AKT3: variants seen among roughly 807,000 people sequenced by gnomAD.
The protein encoded by AKT3 is RAC-gamma serine/threonine-protein kinase.
In AKT3, 15 loss-of-function variants were observed where a neutral mutation model predicts 65.3. That is an observed-to-expected ratio of 0.23 (90% CI 0.15 to 0.35). AKT3 has a LOEUF of 0.35. AKT3 is among the 10% of genes least tolerant of loss of function. The pLI is 1.00. For synonymous variants in AKT3, 206 were observed against 183.8 expected, an observed-to-expected ratio of 1.12 and a Z score of -0.98; for missense variants, 243 against 576.5, an observed-to-expected ratio of 0.42 and a Z score of 5.92.
intron 2 of AKT3, among the ~76,000 whole-genome samples, chr1:243,783,381 GCATC>G (rs1445624746): frequency 6.6e-6 from 1 of 152,238 alleles, no homozygotes; most frequent in East Asian, 1.9e-4. Context: ...GTTAGTGATG[GCATC>G]CATGTGCCAG....
At chr1:243,523,000 G>A (rs1018335811) in intron 12 of AKT3, among the ~76,000 whole-genome samples, 1 of 152,076 alleles carries the variant, frequency 6.6e-6, no homozygotes, top group African/African-American at 2.4e-5. Context: ...TTGGGTTGGG[G>A]GATGAACTTG....
chr1:243,577,534 C>A (rs552869785), intron 8 of AKT3, among the ~76,000 whole-genome samples: 1 of 152,074 alleles, frequency 6.6e-6, no homozygotes, highest in Non-Finnish European at 1.5e-5. Flanking sequence ...ATACCTTATA[C>A]AAAAATTAAC....
chr1:243,742,822 G>C (rs1281015381), intron 2 of AKT3, among the ~76,000 whole-genome samples: 1 of 149,650 alleles, frequency 6.7e-6, no homozygotes, highest in East Asian at 1.9e-4. Flanking sequence ...AAAATTATGG[G>C]CATAAAAATA....
chr1:243,834,640 T>C (rs973594615), intron 2 of AKT3, among the ~76,000 whole-genome samples: 4 of 151,940 alleles, frequency 2.6e-5, no homozygotes, highest in Non-Finnish European at 4.4e-5. Flanking sequence ...ACTATGCTTA[T>C]TACCCGGATG....
intron 13 of AKT3, among the ~76,000 whole-genome samples, chr1:243,507,079 T>C (rs1669715823): frequency 6.6e-6 from 1 of 152,244 alleles, no homozygotes; most frequent in East Asian, 1.9e-4. Context: ...TTTATTTTAC[T>C]CAGTGTTTCT....
At chr1:243,699,785 G>T (rs890315619) in intron 2 of AKT3, among the ~76,000 whole-genome samples, 1 of 151,986 alleles carries the variant, frequency 6.6e-6, no homozygotes, top group Admixed American at 6.6e-5. Flanking sequence ...TGAGAAGATG[G>T]ACTTTTCCCC....
At chr1:243,642,827 T>G (rs1680539213) in intron 5 of AKT3, among the ~76,000 whole-genome samples, 1 of 152,166 alleles carries the variant, frequency 6.6e-6, no homozygotes, top group African/African-American at 2.4e-5. Flanking sequence ...TATAAGACAC[T>G]GTCTAGCCCA....
At chr1:243,638,002 G>C (rs889426743) in intron 5 of AKT3, among the ~76,000 whole-genome samples, 10 of 152,008 alleles carry the variant, frequency 6.6e-5, no homozygotes, top group Non-Finnish European at 8.8e-5. Flanking sequence ...TTGTGTAAAA[G>C]GGCAAAGGAG....
chr1:243,627,322 T>C (rs1679245184), intron 6 of AKT3, among the ~76,000 whole-genome samples: 1 of 141,352 alleles, frequency 7.1e-6, no homozygotes, highest in East Asian at 2.0e-4. Context: ...AGTGAGACCC[T>C]GTTTCAATTA....
chr1:243,710,562 C>T (rs1483789146), intron 2 of AKT3, among the ~76,000 whole-genome samples: 1 of 152,178 alleles, frequency 6.6e-6, no homozygotes, highest in East Asian at 1.9e-4. Flanking sequence ...AGGTGGCTCT[C>T]CCAGGTACAA....
chr1:243,576,014 A>AT (rs982893005), intron 8 of AKT3, among the ~76,000 whole-genome samples: 4 of 151,994 alleles, frequency 2.6e-5, no homozygotes, highest in African/African-American at 7.2e-5. Context: ...AAGAGCATGA[A>AT]TTTTTTTTCT....
At chr1:243,605,391 T>C (rs1158925353) in intron 8 of AKT3, among the ~76,000 whole-genome samples, 1 of 152,176 alleles carries the variant, frequency 6.6e-6, no homozygotes, top group East Asian at 1.9e-4. Context: ...TTTATGTAAG[T>C]TTTGTATTTT....
At chr1:243,602,447 T>G (rs980812853) in intron 8 of AKT3, among the ~76,000 whole-genome samples, 1 of 152,186 alleles carries the variant, frequency 6.6e-6, no homozygotes, top group Non-Finnish European at 1.5e-5. Context: ...GAAAACTTTG[T>G]AAAATTTTAA....
At chr1:243,661,161 C>A (rs1031610387) in intron 4 of AKT3, among the ~76,000 whole-genome samples, 1 of 152,110 alleles carries the variant, frequency 6.6e-6, no homozygotes, top group African/African-American at 2.4e-5. Flanking sequence ...CAATGCCATC[C>A]CCATCAAGCT....
chr1:243,711,451 C>T (rs1162832147), intron 2 of AKT3, among the ~76,000 whole-genome samples: 1 of 152,080 alleles, frequency 6.6e-6, no homozygotes, highest in Non-Finnish European at 1.5e-5. Flanking sequence ...ATTTATTTCC[C>T]TCCACATTTA....
intron 8 of AKT3, among the ~76,000 whole-genome samples, chr1:243,574,797 T>C (rs1231295090): frequency 6.6e-6 from 1 of 152,166 alleles, no homozygotes; most frequent in African/African-American, 2.4e-5. Flanking sequence ...GTGTGATCTC[T>C]ATGTGGAGTT....
chr1:243,721,858 G>A (rs1273416055), intron 2 of AKT3, among the ~76,000 whole-genome samples: 1 of 151,952 alleles, frequency 6.6e-6, no homozygotes, highest in Non-Finnish European at 1.5e-5. Flanking sequence ...GCACATCAGA[G>A]GTGAGATTAC....
intron 5 of AKT3, among the ~76,000 whole-genome samples, chr1:243,642,811 C>T (rs1410512038): frequency 6.6e-6 from 1 of 152,068 alleles, no homozygotes; most frequent in Non-Finnish European, 1.5e-5. Context: ...ATCAGGCACA[C>T]CAGAATATAA....
intron 2 of AKT3, among the ~76,000 whole-genome samples, chr1:243,715,315 C>T (rs1686436401): frequency 6.6e-6 from 1 of 152,062 alleles, no homozygotes; most frequent in African/African-American, 2.4e-5. Context: ...AGTGGCTTCC[C>T]TTTATGCTAC....
Sources: gnomAD v4.1 joint callset for allele counts (sites outside exome capture counted in the v4.1 genomes callset) on GRCh38, gnomAD v4.1.1 for gene constraint, MANE v1.5 for transcripts, NCBI Gene and HGNC (gene_info 2026-07-23, HGNC 2026-07-21) for gene names.